The following LAMC2 variants were observed in gnomAD, a reference collection of about 807,000 sequenced individuals.
LAMC2 encodes the protein laminin subunit gamma-2.
LAMC2 carries 97 observed loss-of-function variants against 140.2 expected under a neutral mutation model. The ratio of observed to expected loss-of-function variants is 0.69; its 90% confidence interval spans 0.59 to 0.82. The LOEUF is 0.82. LAMC2 is among the 40% of genes least tolerant of loss of function. LAMC2 has a pLI of 0.00. For missense variants in LAMC2, 1,402 were observed against 1,476.1 expected (o/e 0.95, Z 0.82); for synonymous variants, 513 against 540.2 (o/e 0.95, Z 0.70).
chr1:183,210,950 A>C lies in LAMC2; in HGVS notation c.268+2881A>C, dbSNP rs1352074018. Reference sequence around the variant, plus strand: ...TCCCTATGTGATTTCTCAGTATCCCAATTAGCCAGAGGATATTTTTCACTT... The same window carrying C: ...TCCCTATGTGATTTCTCAGTATCCCCATTAGCCAGAGGATATTTTTCACTT... On this transcript the variant is annotated intron_variant, in intron 2 of 22. Coordinates refer to ENST00000264144, the MANE Select transcript of LAMC2 (RefSeq NM_005562.3). Among the ~76,000 whole-genome samples the C allele has an allele frequency of 1.3e-5, 2 of 152,238 alleles. 1 individual carries two copies. Among genetic ancestry groups the C allele is most frequent in the African/African-American group, 4.8e-5 (2 of 41,458 alleles).
intron 9 of LAMC2, 126 bp from the exon 10 acceptor site, chr1:183,227,389 T>C: frequency 4.3e-6 from 4 of 940,756 alleles, no homozygotes; most frequent in Non-Finnish European, 6.9e-6. Flanking sequence ...ATGCCAGTGC[T>C]CAGGCACTTT....
the LAMC2 span, among the ~76,000 whole-genome samples, chr1:183,253,090 GAC>G: frequency 6.6e-6 from 1 of 152,018 alleles, no homozygotes; most frequent in Non-Finnish European, 1.5e-5. Context: ...AAGAGTGCCA[GAC>G]ACACAGTGGG....
chr1:183,242,409 G>A (rs1394425804), intron 22 of LAMC2, among the ~76,000 whole-genome samples: 2 of 152,126 alleles, frequency 1.3e-5, no homozygotes, highest in African/African-American at 4.8e-5. Context: ...CATATGTGAG[G>A]CAACTTGACC....
intron 2 of LAMC2, among the ~76,000 whole-genome samples, chr1:183,213,748 CAAAAAAA>C (rs529019896): frequency 7.3e-5 from 5 of 68,188 alleles, no homozygotes; most frequent in East Asian, 4.2e-4. Context: ...TGCAGTGAGC[CAAAAAAA>C]AAAAAAAAAA....
intron 18 of LAMC2, among the ~76,000 whole-genome samples, 160 bp from the exon 19 acceptor site, chr1:183,238,147 T>C (rs922324863): frequency 6.6e-6 from 1 of 152,200 alleles, no homozygotes; most frequent in African/African-American, 2.4e-5. Flanking sequence ...TGTGGACTTA[T>C]AAAGTTTGCT....
rs11338376 is a variant in LAMC2, at chr1:183,198,124, CTT to C, written c.80-9747_80-9746del. Reference sequence around the variant, plus strand: ...AATAAGAAAGATAATTGAGCATCATCTTTTTTTTTTTCTTTCTTTTTTTTTTT... The same window carrying C: ...AATAAGAAAGATAATTGAGCATCATCTTTTTTTTTCTTTCTTTTTTTTTTT... On this transcript the variant is annotated intron_variant, in intron 1 of 22. Transcript: ENST00000264144. Among the ~76,000 whole-genome samples, 15 of 142,976 alleles carry C rather than the reference CTT, an allele frequency of 1.0e-4. No homozygotes were observed. In the East Asian group the frequency reaches 2.3e-3, roughly 22 times the overall value. The allele number at this position is 142,976 out of a possible 152,430, so 93.8% of individuals were successfully genotyped here. A position where few individuals can be genotyped will look rare whatever the true frequency, so the allele number is the denominator to read the frequency against.
chr1:183,239,955 G>A (rs558798871), intron 20 of LAMC2, 85 bp from the exon 21 acceptor site: 8 of 1,484,240 alleles, frequency 5.4e-6, no homozygotes, highest in Admixed American at 3.3e-5. Flanking sequence ...GGCTGCCGCT[G>A]TATTTTTTCT....
In LAMC2 at chr1:183,215,530, T is replaced by A. The variant is rs1158322113; in HGVS notation, c.346T>A (p.Cys116Ser). ...TGTGACAGGAGCCAGATGCGACCGATGTCTGCCAGGCTTCCACATGCTCAC... is the reference window on the plus strand; with the variant it reads ...TGTGACAGGAGCCAGATGCGACCGAAGTCTGCCAGGCTTCCACATGCTCAC... ...PGVTGARCDRCLPGFHMLTDA... is the reference protein window; with the variant it reads ...PGVTGARCDRSLPGFHMLTDA... The change falls in exon 3 of 23, where the codon TGT becomes AGT. Residue 116 changes from cysteine (C) to serine (S), a missense_variant. This residue lies in a region of LAMC2 where 723 missense variants were observed against 783.3 expected (regional missense o/e 0.92). Coordinates refer to ENST00000264144, the MANE Select transcript of LAMC2 (RefSeq NM_005562.3). 6.2e-7 allele frequency: 1 copy of A among 1,614,110 alleles called. No individual in the cohort carries two copies. The highest frequency in any genetic ancestry group is 1.1e-5 in the South Asian group (1 of 91,092).
chr1:183,240,689 C>G (rs1660110960), intron 22 of LAMC2: 1 of 1,308,608 alleles, frequency 7.6e-7, no homozygotes, highest in Non-Finnish European at 9.8e-7. Context: ...GCTTGGGAAT[C>G]CTGCTAAAGA....
At chr1:183,191,189 A>G (rs1349954232) in intron 1 of LAMC2, among the ~76,000 whole-genome samples, 2 of 101,840 alleles carry the variant, frequency 2.0e-5, no homozygotes, top group South Asian at 3.2e-4. Context: ...GGACTTAAGT[A>G]TGATCTTTTT....
In LAMC2 at chr1:183,227,611, C is replaced by T. The variant is rs1659666872; in HGVS notation, c.1382C>T (p.Pro461Leu). The T allele has an allele frequency of 6.2e-7, 1 of 1,614,172 alleles. No homozygotes were observed. Among genetic ancestry groups the T allele is most frequent in the Admixed American group, 1.7e-5 (1 of 60,026 alleles). ...NDPHDPRSCK[P>L]CPCHNGFSCS... The stretch of plus-strand genomic sequence containing the variant: ...CCGCACGACCCCCGCAGCTGCAAGC[C>T]ATGTCCCTGTCATAACGGGTTCAGC... The change falls in exon 10 of 23, where the codon CCA (proline) becomes CTA (leucine). Residue 461 changes from proline to leucine, a missense_variant. Pro to Leu is a moderately conservative substitution (Grantham distance 98). Coordinates refer to ENST00000264144, the MANE Select transcript of LAMC2 (RefSeq NM_005562.3).
chr1:183,227,717 C>T lies in LAMC2; in HGVS notation c.1468+20C>T, dbSNP rs1367601373. ...TCACCGGTAAGGCCATGGGTCTGCT[C>T]TGCCACCTGCCTCTTCCTGTCCTGA... On this transcript the variant is annotated intron_variant, in intron 10 of 22. Coordinates refer to ENST00000264144, the MANE Select transcript of LAMC2 (RefSeq NM_005562.3). 7 of 1,609,676 alleles carry T rather than the reference C, an allele frequency of 4.3e-6. No homozygotes were observed. Among genetic ancestry groups the T allele is most frequent in the Admixed American group, 1.7e-5 (1 of 59,936 alleles).
chr1:183,257,409 C>G, the LAMC2 span, among the ~76,000 whole-genome samples: 1 of 152,068 alleles, frequency 6.6e-6, no homozygotes, highest in African/African-American at 2.4e-5. Context: ...CTATTGCACT[C>G]CAGCCTGGGC....
At chr1:183,223,449 A>C in intron 7 of LAMC2, 125 bp downstream of exon 7, 1 of 876,844 alleles carries the variant, frequency 1.1e-6, no homozygotes, top group Non-Finnish European at 1.8e-6. Context: ...TTTACGTACC[A>C]TGAAGGTTGC....
intron 22 of LAMC2, chr1:183,241,346 A>C: frequency 1.0e-6 from 1 of 984,724 alleles, no homozygotes; most frequent in African/African-American, 1.7e-5. Flanking sequence ...CAGTGGGAGG[A>C]ACTTGAGCTG....
At chr1:183,213,748 CAAAAA>C (rs529019896) in intron 2 of LAMC2, among the ~76,000 whole-genome samples, 7 of 68,186 alleles carry the variant, frequency 1.0e-4, no homozygotes, top group Non-Finnish European at 8.4e-5. Flanking sequence ...TGCAGTGAGC[CAAAAA>C]AAAAAAAAAA....
chr1:183,230,131 C>G (rs1276423581), intron 11 of LAMC2, among the ~76,000 whole-genome samples: 1 of 152,134 alleles, frequency 6.6e-6, no homozygotes, highest in Non-Finnish European at 1.5e-5. Context: ...AGGTTACTAA[C>G]AGAAATTTCA....
At chr1:183,208,701 A>G (rs985591167) in intron 2 of LAMC2, among the ~76,000 whole-genome samples, 1 of 152,130 alleles carries the variant, frequency 6.6e-6, no homozygotes, top group Non-Finnish European at 1.5e-5. Flanking sequence ...TTTTTTTGAG[A>G]CAGGGTCTCA....
chr1:183,258,341 C>T, the LAMC2 span, among the ~76,000 whole-genome samples: 1 of 152,198 alleles, frequency 6.6e-6, no homozygotes, highest in Non-Finnish European at 1.5e-5. Context: ...GACCAGCTCA[C>T]TGCCTTTCAA....
Sources: gnomAD v4.1 joint callset for allele counts (sites outside exome capture counted in the v4.1 genomes callset) on GRCh38, gnomAD v4.1.1 for gene constraint, gnomAD v4.1.1 regional missense constraint, MANE v1.5 for transcripts, NCBI Gene and HGNC (gene_info 2026-07-23, HGNC 2026-07-21) for gene names.